OTUD7B: variants seen among roughly 807,000 people sequenced by gnomAD.
OTUD7B encodes OTU domain-containing protein 7B.
A neutral mutation model predicts 82.2 loss-of-function variants in OTUD7B; 34 were observed. That is an observed-to-expected ratio of 0.41 (90% CI 0.31 to 0.55). The LOEUF is 0.55. Among genes scored for constraint, OTUD7B ranks in the 20% least tolerant of loss-of-function variants. OTUD7B has a pLI of 0.20. For missense variants in OTUD7B, 944 were observed against 1,062.1 expected (o/e 0.89, Z 1.55); for synonymous variants, 398 against 402.7 (o/e 0.99, Z 0.14).
At chr1:150,062,115 A>G in the OTUD7B span, among the ~76,000 whole-genome samples, 3 of 152,182 alleles carry the variant, frequency 2.0e-5, no homozygotes, top group Admixed American at 6.5e-5. Context: ...CACTTTGCAC[A>G]TATGGCCCTT....
intron 10 of OTUD7B, 128 bp downstream of exon 10, chr1:149,948,841 C>CTCT: frequency 1.6e-6 from 1 of 637,412 alleles, no homozygotes; most frequent in Non-Finnish European, 2.8e-6. Context: ...TCTACCTCCC[C>CTCT]ATCTTCCCAA....
chr1:150,026,115 A>G, the OTUD7B span, among the ~76,000 whole-genome samples: 1 of 152,234 alleles, frequency 6.6e-6, no homozygotes, highest in African/African-American at 2.4e-5. Flanking sequence ...GGGAGCAGGA[A>G]GGACTGAGAA....
chr1:149,979,787 G>A (rs1264875621), intron 1 of OTUD7B, among the ~76,000 whole-genome samples: 3 of 152,046 alleles, frequency 2.0e-5, no homozygotes, highest in African/African-American at 7.2e-5. Context: ...CTACCCCCCA[G>A]TACAGGCAAG....
chr1:149,943,839 C>G lies in OTUD7B; in HGVS notation c.*18G>C, dbSNP rs782411716. 3.1e-6 allele frequency: 5 copies of G among 1,610,980 alleles called. No individual in the cohort carries two copies. The East Asian group carries it at 1.1e-4, about 36-fold the overall frequency. On this transcript the variant is annotated 3_prime_UTR_variant, in exon 12 of 12. Coordinates refer to ENST00000581312, the MANE Select transcript of OTUD7B (RefSeq NM_020205.4). ...CTTAACTTTGTTTAGCCTCCTTGCC[C>G]TTCAGTGTTCCACCCGTTCAGAACC...
chr1:150,019,041 A>G, the OTUD7B span, among the ~76,000 whole-genome samples: 1 of 152,158 alleles, frequency 6.6e-6, no homozygotes, highest in Non-Finnish European at 1.5e-5. Context: ...AGACATACAC[A>G]CATCTACAAT....
chr1:149,982,933 G>T lies in OTUD7B; in HGVS notation c.-66-5357C>A, dbSNP rs587708473. On this transcript the variant is annotated intron_variant, in intron 1 of 11. Coordinates refer to ENST00000581312, the MANE Select transcript of OTUD7B (RefSeq NM_020205.4). ...CTGATCTCGGCTCACTGCAAGCTCC[G>T]CCCCCCGGGTTCACGCCATTCTCCT... Among the ~76,000 whole-genome samples the T allele has an allele frequency of 3.7e-5, 5 of 136,680 alleles. No homozygotes were observed. The East Asian group carries it at 1.2e-3, about 32-fold the overall frequency. 89.7% of individuals were successfully genotyped at this position (136,680 alleles called of 152,430 possible). A position where few individuals can be genotyped will look rare whatever the true frequency, so the allele number is the denominator to read the frequency against.
chr1:150,042,901 T>C, the OTUD7B span, among the ~76,000 whole-genome samples: 3 of 152,196 alleles, frequency 2.0e-5, no homozygotes, highest in Non-Finnish European at 4.4e-5. Context: ...AATTGTCCAA[T>C]GGTGCAAAGG....
At chr1:150,000,997 A>G (rs1486303038) in intron 1 of OTUD7B, among the ~76,000 whole-genome samples, 3 of 152,036 alleles carry the variant, frequency 2.0e-5, no homozygotes, top group African/African-American at 7.3e-5. Flanking sequence ...ATAAATAATA[A>G]ATAAATAAAT....
intron 1 of OTUD7B, among the ~76,000 whole-genome samples, chr1:149,996,675 G>C (rs1651945800): frequency 6.6e-6 from 1 of 152,162 alleles, no homozygotes; most frequent in Non-Finnish European, 1.5e-5. Context: ...AATCTGTAAG[G>C]TTGCATAACA....
chr1:149,956,047 T>C (rs1410300637), intron 7 of OTUD7B, among the ~76,000 whole-genome samples: 2 of 152,228 alleles, frequency 1.3e-5, no homozygotes, highest in African/African-American at 4.8e-5. Flanking sequence ...TTAAGGTTAA[T>C]ACTGTTATGT....
In OTUD7B at chr1:149,965,819, T is replaced by C; in HGVS notation, c.562A>G (p.Thr188Ala). ...PTSQRLLPLA[T>A]TGDGNCLLHA... ...AGGAGGCAGTTCCCATCTCCAGTAG[T>C]TGCCAAAGGAAGCAGCCTCTGAGAG... Residue 188 changes from threonine (T) to alanine (A), a missense_variant, in exon 5 of 12, where the codon ACT becomes GCT. Around this residue, in one of 3 missense-constraint regions of OTUD7B, gnomAD observed 530 missense variants for 625.6 expected, o/e 0.85. Transcript: ENST00000581312. 1.2e-6 allele frequency: 2 copies of C among 1,614,070 alleles called. No homozygotes were observed. The highest frequency in any genetic ancestry group is 1.7e-6 in the Non-Finnish European group (2 of 1,179,978).
chr1:150,013,995 T>TATATACACACACAC (rs1461049513), upstream of OTUD7B, among the ~76,000 whole-genome samples: 3,460 of 126,356 alleles, frequency 0.027, 89 homozygotes, highest in Non-Finnish European at 0.049. Context: ...CACACATATA[T>TATATACACACACAC]ACACACATAT....
Position 149,941,331 on chromosome 1 carries a change from T to C in OTUD7B, c.*2526A>G, listed in dbSNP as rs782190600. The stretch of plus-strand genomic sequence containing the variant: ...ACCCCTGGTCTGTTTTCATTCCTAT[T>C]GGTCCAGGCCACCATTCTATGATAT... On this transcript the variant is annotated 3_prime_UTR_variant, in exon 12 of 12. Coordinates refer to ENST00000581312, the MANE Select transcript of OTUD7B (RefSeq NM_020205.4). 1 of 152,242 alleles carries C rather than the reference T, an allele frequency of 6.6e-6. No individual in the cohort carries two copies. The highest frequency in any genetic ancestry group is 1.5e-5 in the Non-Finnish European group (1 of 68,024). 9.4% of individuals were successfully genotyped at this position (152,242 alleles called of 1,614,324 possible). A position where few individuals can be genotyped will look rare whatever the true frequency, so the allele number is the denominator to read the frequency against.
At chr1:149,974,107 C>A (rs1650124393) in intron 2 of OTUD7B, among the ~76,000 whole-genome samples, 1 of 152,106 alleles carries the variant, frequency 6.6e-6, no homozygotes, top group South Asian at 2.1e-4. Context: ...TTCTGTCACC[C>A]AAGCTGAAGT....
intron 7 of OTUD7B, 84 bp from the exon 8 acceptor site, chr1:149,950,305 C>A (rs1186848368): frequency 7.3e-7 from 1 of 1,365,688 alleles, no homozygotes; most frequent in Admixed American, 2.1e-5. Context: ...ACCAGTTCTG[C>A]AGAAAGGGAA....
At chr1:149,999,110 G>A (rs587710147) in intron 1 of OTUD7B, among the ~76,000 whole-genome samples, 20 of 152,184 alleles carry the variant, frequency 1.3e-4, no homozygotes, top group Non-Finnish European at 2.5e-4. Flanking sequence ...CCAAGTGTTC[G>A]GTGGAAAGGA....
chr1:150,012,978 C>T (rs782401202), upstream of OTUD7B, among the ~76,000 whole-genome samples: 3 of 152,172 alleles, frequency 2.0e-5, no homozygotes, highest in African/African-American at 4.8e-5. Flanking sequence ...AGTTTCTCTG[C>T]GTAGAAACTA....
chr1:149,982,009 C>G (rs1285550914), intron 1 of OTUD7B, among the ~76,000 whole-genome samples: 1 of 151,962 alleles, frequency 6.6e-6, no homozygotes, highest in Non-Finnish European at 1.5e-5. Context: ...ATTAGCCGGG[C>G]GTGGTGGCGG....
chr1:149,999,972 T>C (rs1432238017), intron 1 of OTUD7B, among the ~76,000 whole-genome samples: 4 of 152,234 alleles, frequency 2.6e-5, no homozygotes, highest in African/African-American at 9.6e-5. Flanking sequence ...ATTCTATCTA[T>C]AATATTCTCT....
Sources: allele counts gnomAD v4.1 joint callset (sites outside exome capture counted in the v4.1 genomes callset), GRCh38; gene constraint gnomAD v4.1.1; regional missense constraint gnomAD v4.1.1; transcripts MANE v1.5; gene names NCBI Gene and HGNC (gene_info 2026-07-23, HGNC 2026-07-21).